Variants in RNF144A observed in about 807,000 individuals in gnomAD.
The protein encoded by RNF144A is E3 ubiquitin-protein ligase RNF144A.
Under a neutral mutation model 38.7 loss-of-function variants are expected in RNF144A, and 11 were observed. That is an observed-to-expected ratio of 0.28 (90% CI 0.18 to 0.47). The LOEUF (loss-of-function observed/expected upper bound fraction) is 0.47. Among genes scored for constraint, RNF144A ranks in the 20% least tolerant of loss-of-function variants. RNF144A has a pLI of 0.99. For missense variants in RNF144A, 316 were observed against 377.2 expected (o/e 0.84, Z 1.34); for synonymous variants, 149 against 143.9 (o/e 1.04, Z -0.25).
Position 7,043,363 on chromosome 2 carries a change from A to C in RNF144A, c.*3603A>C, listed in dbSNP as rs77961313. 1,216 of 984,682 alleles carry C rather than the reference A, an allele frequency of 1.2e-3. 12 individuals carry two copies. The African/African-American group carries it at 0.02, about 16-fold the overall frequency. The allele number at this position is 984,682 out of a possible 1,614,324, so 61.0% of individuals were successfully genotyped here. ...AAGTCATTTTACAAATTAAAAAAAC[A>C]TTTTTTTCTTGGTAGTCTTTAAAAA... On this transcript the variant is annotated 3_prime_UTR_variant, in exon 9 of 9. Transcript: ENST00000320892.
rs1434931880 is a variant in RNF144A at position 6,944,167 on chromosome 2, A to G, written c.-12+3020A>G. On this transcript the variant is annotated intron_variant, in intron 2 of 8. Transcript: ENST00000320892. This position sits in a 1 kb window ranked among gnomAD's most constrained non-coding sequence, Gnocchi z 4.7. ...GGTCTGAGGGAGGAAGGAGCAGAGG[A>G]GGAGCCATTGGAGATGCGGGAGGAG... Among the ~76,000 whole-genome samples, 1 of 152,132 alleles carries G rather than the reference A, an allele frequency of 6.6e-6. No individual in the cohort carries two copies. The highest frequency in any genetic ancestry group is 2.4e-5 in the African/African-American group (1 of 41,418).
chr2:6,969,843 A>T (rs1040556764), intron 2 of RNF144A, among the ~76,000 whole-genome samples: 1 of 151,784 alleles, frequency 6.6e-6, no homozygotes, highest in Non-Finnish European at 1.5e-5. Flanking sequence ...CTCACTGCAA[A>T]CTCTGCTTCC....
In RNF144A at chr2:7,042,788, C is replaced by G. The variant is rs17668045; in HGVS notation, c.*3028C>G. The G allele has an allele frequency of 3.0e-6, 3 of 984,952 alleles. No homozygotes were observed. The African/African-American group carries it at 5.2e-5, about 17-fold the overall frequency. 61.0% of individuals were successfully genotyped at this position (984,952 alleles called of 1,614,324 possible). On this transcript the variant is annotated 3_prime_UTR_variant, in exon 9 of 9. Coordinates refer to ENST00000320892, the MANE Select transcript of RNF144A (RefSeq NM_014746.6). Reference sequence around the variant, plus strand: ...AGCATCGGATTGCAGGAATAACTGTCCAAATTAGTTCTTCCTCCTCAACTC... The same window carrying G: ...AGCATCGGATTGCAGGAATAACTGTGCAAATTAGTTCTTCCTCCTCAACTC...
In RNF144A at chr2:7,039,910, G is replaced by A; in HGVS notation, c.*150G>A. On this transcript the variant is annotated 3_prime_UTR_variant, in exon 9 of 9. Transcript: ENST00000320892. ...TCAGGCTGGACGCCGTGATTTCAGG[G>A]ACCTATGTCACAATGTTCGCTGAGG... is the stretch of plus-strand genomic sequence containing the variant. 1 of 1,438,732 alleles carries A rather than the reference G, an allele frequency of 7.0e-7. No homozygotes were observed. Among genetic ancestry groups the A allele is most frequent in the Non-Finnish European group, 9.1e-7 (1 of 1,097,038 alleles). 89.1% of individuals were successfully genotyped at this position (1,438,732 alleles called of 1,614,324 possible).
chr2:6,957,455 G>A (rs1667078818), intron 2 of RNF144A, among the ~76,000 whole-genome samples: 1 of 152,234 alleles, frequency 6.6e-6, no homozygotes, highest in African/African-American at 2.4e-5. Context: ...GTGTGGGTAA[G>A]TGCTGGATGT....
At position 7,041,408 on chromosome 2, in the gene RNF144A, G is replaced by A. The variant is rs1572467731; in HGVS notation, c.*1648G>A. The A allele has an allele frequency of 4.8e-5, 47 of 985,668 alleles. No individual in the cohort carries two copies. The highest frequency in any genetic ancestry group is 9.4e-5 in the South Asian group (2 of 21,284). 61.1% of individuals were successfully genotyped at this position (985,668 alleles called of 1,614,324 possible). On this transcript the variant is annotated 3_prime_UTR_variant, in exon 9 of 9. Coordinates refer to ENST00000320892, the MANE Select transcript of RNF144A (RefSeq NM_014746.6). ...TCATGTTGATTTTCCTTATGAACCC[G>A]AAGCCATTTAGAAAATCCCTGTGTG...
At chr2:6,931,700 AG>A (rs1183404171) in intron 1 of RNF144A, among the ~76,000 whole-genome samples, 10 of 152,128 alleles carry the variant, frequency 6.6e-5, no homozygotes, top group African/African-American at 2.4e-4. Flanking sequence ...TGTTATCTAG[AG>A]GTGTGCTGTT....
intron 1 of RNF144A, among the ~76,000 whole-genome samples, chr2:6,928,864 G>A (rs1021515057): frequency 1.3e-5 from 2 of 152,048 alleles, no homozygotes; most frequent in African/African-American, 4.8e-5. Context: ...CCTGCCTTCG[G>A]TGATGGTCAG....
intron 2 of RNF144A, among the ~76,000 whole-genome samples, chr2:6,959,880 A>G (rs1009719637): frequency 2.0e-5 from 3 of 152,192 alleles, no homozygotes; most frequent in Non-Finnish European, 4.4e-5. Context: ...GCAGCAAGTG[A>G]AGTTCCCAAT....
chr2:7,042,163 T>C lies in RNF144A; in HGVS notation c.*2403T>C, dbSNP rs1443516589. 1 of 985,268 alleles carries C rather than the reference T, an allele frequency of 1.0e-6. No homozygotes were observed. Among genetic ancestry groups the C allele is most frequent in the Non-Finnish European group, 1.2e-6 (1 of 829,740 alleles). The allele number at this position is 985,268 out of a possible 1,614,324, so 61.0% of individuals were successfully genotyped here. ...AAATACCAGCAAGATCACTCTGAGATACATAAACTCGCATTTCCTTCTGTT... is the reference window on the plus strand; with the variant it reads ...AAATACCAGCAAGATCACTCTGAGACACATAAACTCGCATTTCCTTCTGTT... On this transcript the variant is annotated 3_prime_UTR_variant, in exon 9 of 9. Coordinates refer to ENST00000320892, the MANE Select transcript of RNF144A (RefSeq NM_014746.6).
chr2:7,051,733 A>T (rs1171348162), intron 6 of RNF144A, among the ~76,000 whole-genome samples: 1 of 152,234 alleles, frequency 6.6e-6, no homozygotes, highest in Non-Finnish European at 1.5e-5. Flanking sequence ...TACTAAAGAT[A>T]CAAAAATTAG....
At position 6,943,294 on chromosome 2, in the gene RNF144A, G is replaced by A. The variant is rs140911146; in HGVS notation, c.-12+2147G>A. Among the ~76,000 whole-genome samples the A allele has an allele frequency of 3.1e-3, 469 of 152,286 alleles. 1 individual carries two copies. The highest frequency in any genetic ancestry group is 0.011 in the African/African-American group (445 of 41,560). On this transcript the variant is annotated intron_variant, in intron 2 of 8. Transcript: ENST00000320892. The surrounding 1 kb of genome is among the most constrained non-coding windows in gnomAD (Gnocchi z 4.3). ...AAGAGGGAACAACCAGGGAGGAAGC[G>A]GGGGAACCAGGAGCATGGAGAGGAC... is the stretch of plus-strand genomic sequence containing the variant.
chr2:7,064,289 G>T (rs972945465), intron 6 of RNF144A, among the ~76,000 whole-genome samples: 1 of 152,056 alleles, frequency 6.6e-6, no homozygotes, highest in African/African-American at 2.4e-5. Context: ...GGCAGGATTT[G>T]CCAAACATGC....
intron 5 of RNF144A, among the ~76,000 whole-genome samples, chr2:7,015,838 G>T (rs1671101183): frequency 6.6e-6 from 1 of 152,098 alleles, no homozygotes; most frequent in Non-Finnish European, 1.5e-5. Context: ...TCGGGTTCTT[G>T]ACCTGAGCAG....
At chr2:6,973,964 G>T (rs1668150727) in intron 2 of RNF144A, among the ~76,000 whole-genome samples, 2 of 152,316 alleles carry the variant, frequency 1.3e-5, no homozygotes, top group South Asian at 4.1e-4. Context: ...GGTCCACACT[G>T]TTACTGGACT....
At chr2:7,059,047 T>C (rs1202436054) in intron 6 of RNF144A, among the ~76,000 whole-genome samples, 1 of 151,928 alleles carries the variant, frequency 6.6e-6, no homozygotes, top group African/African-American at 2.4e-5. Flanking sequence ...AAAACCTGTT[T>C]AAAAAAATAC....
rs768114639 is a variant in RNF144A, at chr2:6,992,837, A to C, written c.-11-4079A>C. On this transcript the variant is annotated intron_variant, in intron 2 of 8. Transcript: ENST00000320892. ...CTTGTGTCCACACCTCTTTCATCAC[A>C]AGGCACAATCCTTTGCACGGTCTCA... Among the ~76,000 whole-genome samples the C allele has an allele frequency of 6.5e-4, 99 of 152,228 alleles. 1 individual carries two copies. Among genetic ancestry groups the C allele is most frequent in the Non-Finnish European group, 5.0e-4 (34 of 68,042 alleles).
intron 6 of RNF144A, among the ~76,000 whole-genome samples, chr2:7,067,421 G>A (rs1199699132): frequency 6.6e-6 from 1 of 152,176 alleles, no homozygotes; most frequent in Admixed American, 6.5e-5. Context: ...AACCAGGAAG[G>A]TCTATCAACT....
Position 7,043,437 on chromosome 2 carries a change from T to G in RNF144A, c.*3677T>G, listed in dbSNP as rs1453715170. The G allele has an allele frequency of 5.1e-6, 5 of 985,778 alleles. No individual in the cohort carries two copies. The highest frequency in any genetic ancestry group is 1.7e-5 in the African/African-American group (1 of 57,334). The allele number at this position is 985,778 out of a possible 1,614,324, so 61.1% of individuals were successfully genotyped here. A position where few individuals can be genotyped will look rare whatever the true frequency, so the allele number is the denominator to read the frequency against. On this transcript the variant is annotated 3_prime_UTR_variant, in exon 9 of 9. Transcript: ENST00000320892. ...ATGGGCTTTGTGTGTGTGTCTCAGA[T>G]TCTCATTTATTAGTGAGCACACCTG...
Sources: allele counts gnomAD v4.1 joint callset (sites outside exome capture counted in the v4.1 genomes callset), GRCh38; gene constraint gnomAD v4.1.1; non-coding constraint Gnocchi (gnomAD v3.1); transcripts MANE v1.5; gene names NCBI Gene and HGNC (gene_info 2026-07-23, HGNC 2026-07-21).